The following CCDC148 variants were observed in gnomAD, a reference collection of about 807,000 sequenced individuals.
CCDC148 encodes the protein coiled-coil domain containing 148.
CCDC148 carries 89 observed loss-of-function variants against 85.7 expected under a neutral mutation model. The ratio of observed to expected loss-of-function variants is 1.04; its 90% CI spans 0.87 to 1.24. CCDC148 has a LOEUF of 1.24. CCDC148 is among the 50% of genes most tolerant of loss of function. The pLI is 0.00. For synonymous variants in CCDC148, 230 were observed against 213.9 expected (o/e 1.08, Z -0.66); for missense variants, 692 against 671.7 (o/e 1.03, Z -0.33).
chr2:158,319,783 A>G (rs1488080260), intron 7 of CCDC148, among the ~76,000 whole-genome samples: 1 of 152,200 alleles, frequency 6.6e-6, no homozygotes, highest in African/African-American at 2.4e-5. Context: ...TGAAAGAGAT[A>G]TAGACCCAAC....
At chr2:158,219,967 C>A (rs1417701377) in intron 11 of CCDC148, among the ~76,000 whole-genome samples, 1 of 152,106 alleles carries the variant, frequency 6.6e-6, no homozygotes, top group East Asian at 1.9e-4. Flanking sequence ...TTAAACTTAC[C>A]CTGTTCAAAT....
intron 9 of CCDC148, among the ~76,000 whole-genome samples, chr2:158,305,330 C>T (rs1279667570): frequency 6.6e-6 from 1 of 152,198 alleles, no homozygotes; most frequent in Non-Finnish European, 1.5e-5. Context: ...TGAGTAAGCC[C>T]TTAGCCCCAA....
intron 11 of CCDC148, among the ~76,000 whole-genome samples, chr2:158,187,495 C>A (rs926013): frequency 0.78 from 118,391 of 151,784 alleles, 48,712 homozygotes; most frequent in East Asian, 1. Flanking sequence ...CTTCACTTCT[C>A]ATTTAGTCCA....
chr2:158,380,817 A>G (rs1317669645), intron 1 of CCDC148: 1 of 152,154 alleles, frequency 6.6e-6, no homozygotes, highest in Non-Finnish European at 1.5e-5. Flanking sequence ...AGTTCCATAC[A>G]TACATGATCA....
chr2:158,341,349 C>T (rs1156302700), intron 3 of CCDC148, among the ~76,000 whole-genome samples: 4 of 149,342 alleles, frequency 2.7e-5, no homozygotes, highest in Non-Finnish European at 5.9e-5. Context: ...CTTGATCGCC[C>T]AGGCTGGAGT....
At chr2:158,173,994 G>A (rs1684447402) in intron 13 of CCDC148, among the ~76,000 whole-genome samples, 2 of 151,788 alleles carry the variant, frequency 1.3e-5, no homozygotes, top group South Asian at 4.1e-4. Context: ...TCAGTTTCTT[G>A]TAAATATGTA....
At chr2:158,231,297 T>C (rs1350944235) in intron 10 of CCDC148, among the ~76,000 whole-genome samples, 4 of 152,146 alleles carry the variant, frequency 2.6e-5, no homozygotes, top group Non-Finnish European at 5.9e-5. Context: ...CTGTCAAACT[T>C]ACTTTATCTT....
At chr2:158,321,797 AAT>A (rs1458279162) in intron 7 of CCDC148, among the ~76,000 whole-genome samples, 3 of 152,176 alleles carry the variant, frequency 2.0e-5, no homozygotes, top group African/African-American at 7.2e-5. Flanking sequence ...CTTTATTAGC[AAT>A]AGAGTTTATT....
At chr2:158,256,768 C>A (rs1689028078) in intron 9 of CCDC148, among the ~76,000 whole-genome samples, 1 of 151,758 alleles carries the variant, frequency 6.6e-6, no homozygotes, top group Admixed American at 6.6e-5. Context: ...CTACTCAAGT[C>A]TTGGCTCAGA....
At chr2:158,434,755 G>T (rs1453015994) in intron 1 of CCDC148, among the ~76,000 whole-genome samples, 1 of 152,120 alleles carries the variant, frequency 6.6e-6, no homozygotes, top group East Asian at 1.9e-4. Context: ...TGGCTAACTA[G>T]AATAAACAGT....
intron 9 of CCDC148, among the ~76,000 whole-genome samples, chr2:158,262,089 T>C (rs1174034616): frequency 2.6e-5 from 4 of 151,970 alleles, no homozygotes; most frequent in Admixed American, 2.6e-4. Context: ...CTATTCACAA[T>C]AGCAAAGATG....
intron 1 of CCDC148, among the ~76,000 whole-genome samples, chr2:158,439,486 G>A (rs923802594): frequency 1.3e-5 from 2 of 152,110 alleles, no homozygotes; most frequent in Non-Finnish European, 2.9e-5. Context: ...TGGGGTGGCG[G>A]CAGGGGGGAG....
rs545496947 is a variant in CCDC148 at position 158,412,457 on chromosome 2, T to C, written c.25+43958A>G. On this transcript the variant is annotated intron_variant, in intron 1 of 13. Transcript: ENST00000283233. The stretch of plus-strand genomic sequence containing the variant: ...ACATTTCCTAAATTCCTCTCATGAT[T>C]TGAATAACTCAGAGTGCTTGTATTC... Among the ~76,000 whole-genome samples, 9 of 152,304 alleles carry C rather than the reference T, an allele frequency of 5.9e-5. No homozygotes were observed. The South Asian group carries it at 1.7e-3, about 28-fold the overall frequency.
At chr2:158,217,352 ATAT>A (rs1558990104) in intron 11 of CCDC148, among the ~76,000 whole-genome samples, 17 of 128,088 alleles carry the variant, frequency 1.3e-4, no homozygotes, top group African/African-American at 2.2e-4. Flanking sequence ...ATATATATAT[ATAT>A]AAAATTTTGT....
At chr2:158,260,585 G>A (rs1289210860) in intron 9 of CCDC148, among the ~76,000 whole-genome samples, 2 of 152,010 alleles carry the variant, frequency 1.3e-5, no homozygotes, top group African/African-American at 2.4e-5. Context: ...CCTGCTTGCA[G>A]ATGACATGAT....
At chr2:158,455,341 C>T (rs1482824371) in intron 1 of CCDC148, among the ~76,000 whole-genome samples, 1 of 151,960 alleles carries the variant, frequency 6.6e-6, no homozygotes, top group African/African-American at 2.4e-5. Flanking sequence ...CAGTCCTACC[C>T]TGTGTAGGAC....
chr2:158,310,488 A>G (rs1691927580), intron 8 of CCDC148, among the ~76,000 whole-genome samples: 1 of 151,832 alleles, frequency 6.6e-6, no homozygotes, highest in South Asian at 2.1e-4. Context: ...CTCACTTCCC[A>G]GACGTGACGG....
At chr2:158,200,479 T>C (rs1249428566) in intron 11 of CCDC148, among the ~76,000 whole-genome samples, 3 of 152,226 alleles carry the variant, frequency 2.0e-5, no homozygotes, top group Non-Finnish European at 4.4e-5. Context: ...CACATAGCCA[T>C]ACCCATTTGC....
intron 9 of CCDC148, among the ~76,000 whole-genome samples, chr2:158,309,212 T>A (rs566940688): frequency 1.4e-4 from 22 of 152,344 alleles, no homozygotes; most frequent in Admixed American, 1.4e-3. Flanking sequence ...GATATTAACA[T>A]CCTGTTATAG....
Sources: allele counts gnomAD v4.1 joint callset (sites outside exome capture counted in the v4.1 genomes callset), GRCh38; gene constraint gnomAD v4.1.1; transcripts MANE v1.5; gene names NCBI Gene and HGNC (gene_info 2026-07-23, HGNC 2026-07-21).